The following VPS54 variants were observed in gnomAD, a reference collection of about 807,000 sequenced individuals.
VPS54 encodes VPS54 subunit of GARP complex.
Under a neutral mutation model 121.5 loss-of-function variants are expected in VPS54, and 45 were observed. That is an observed-to-expected ratio of 0.37 (90% CI 0.29 to 0.47). VPS54 has a LOEUF of 0.47. VPS54 is among the 20% of genes least tolerant of loss of function. The pLI, the probability that VPS54 is intolerant of heterozygous loss-of-function variation, is 0.99. For synonymous variants in VPS54, 371 were observed against 385.8 expected, an observed-to-expected ratio of 0.96 and a Z score of 0.45; for missense variants, 1,090 against 1,131.4, an observed-to-expected ratio of 0.96 and a Z score of 0.52.
At position 63,915,494 on chromosome 2, in the gene VPS54, T is replaced by C. The variant is rs1331581971; in HGVS notation, c.2229-1207A>G. Reference sequence around the variant, plus strand: ...CCTAAATGAGCATGAGTCCATTGCTTATCTTTTGTAATTGTCTCTCAGAAG... The same window carrying C: ...CCTAAATGAGCATGAGTCCATTGCTCATCTTTTGTAATTGTCTCTCAGAAG... On this transcript the variant is annotated intron_variant, in intron 16 of 22. Transcript: ENST00000272322. Among the ~76,000 whole-genome samples, 2 of 152,210 alleles carry C rather than the reference T, an allele frequency of 1.3e-5. 1 individual carries two copies. Among genetic ancestry groups the C allele is most frequent in the Admixed American group, 1.3e-4 (2 of 15,282 alleles).
intron 1 of VPS54, among the ~76,000 whole-genome samples, chr2:64,010,168 T>C (rs1175503037): frequency 6.6e-6 from 1 of 152,148 alleles, no homozygotes; most frequent in Non-Finnish European, 1.5e-5. Context: ...TAAATGAACT[T>C]TTTTAAAAAA....
chr2:63,933,995 G>C lies in VPS54; in HGVS notation c.1417C>G (p.His473Asp). The change falls in exon 12 of 23, where the codon CAC becomes GAC. Residue 473 changes from histidine to aspartate, a missense_variant. His to Asp is a moderately conservative substitution (Grantham distance 81). Coordinates refer to ENST00000272322, the MANE Select transcript of VPS54 (RefSeq NM_016516.3). ...TCAAGAACTGAGAGAACAACACTGT[G>C]AATGATATTTAATGTTGCCTACAAG... ...QRVKATLNII[H>D]SVVLSVLDKN... 5 of 1,612,372 alleles carry C rather than the reference G, an allele frequency of 3.1e-6. No individual in the cohort carries two copies. Among genetic ancestry groups the C allele is most frequent in the Non-Finnish European group, 4.2e-6 (5 of 1,179,134 alleles).
intron 1 of VPS54, among the ~76,000 whole-genome samples, chr2:64,000,651 G>T (rs1220387959): frequency 6.6e-6 from 1 of 152,238 alleles, no homozygotes; most frequent in East Asian, 1.9e-4. Context: ...TACCACCTTG[G>T]TAGTCTTGAA....
intron 20 of VPS54, among the ~76,000 whole-genome samples, chr2:63,908,292 T>G (rs1162671259): frequency 6.6e-6 from 1 of 152,072 alleles, no homozygotes; most frequent in African/African-American, 2.4e-5. Context: ...AAAAACATTA[T>G]GTTAAATGAA....
intron 5 of VPS54, among the ~76,000 whole-genome samples, chr2:63,968,133 A>G (rs1012571591): frequency 2.0e-5 from 3 of 152,168 alleles, no homozygotes; most frequent in Admixed American, 6.5e-5. Flanking sequence ...TTCTTACCCT[A>G]AAGAACAACT....
Position 63,900,706 on chromosome 2 carries a change from G to A in VPS54, c.2626-1125C>T, listed in dbSNP as rs62136390. 8.0e-3 allele frequency among the ~76,000 whole-genome samples: 1,217 copies of A among 152,118 alleles called. 10 individuals carry two copies. Among genetic ancestry groups the A allele is most frequent in the South Asian group, 0.028 (136 of 4,818 alleles). On this transcript the variant is annotated intron_variant, in intron 20 of 22. Transcript: ENST00000272322. ...CAGTCTTCAAAGGGAAAATAAACAGGTGAAAATATTCCAGGTAGAGGACAG... is the reference window on the plus strand; with the variant it reads ...CAGTCTTCAAAGGGAAAATAAACAGATGAAAATATTCCAGGTAGAGGACAG...
chr2:64,012,824 T>C (rs1678492006), intron 1 of VPS54, among the ~76,000 whole-genome samples: 1 of 152,166 alleles, frequency 6.6e-6, no homozygotes. Context: ...TCTACTTCCT[T>C]AGCTGTCTTC....
intron 1 of VPS54, among the ~76,000 whole-genome samples, chr2:63,998,528 G>A (rs115761980): frequency 0.025 from 3,841 of 151,942 alleles, 78 homozygotes; most frequent in African/African-American, 0.048. Context: ...CTGGTGTTAT[G>A]ACTTAATGTC....
chr2:63,986,642 C>A (rs1013539260), intron 1 of VPS54, among the ~76,000 whole-genome samples: 2 of 152,130 alleles, frequency 1.3e-5, no homozygotes, highest in Non-Finnish European at 2.9e-5. Flanking sequence ...CATACAGCTC[C>A]GTTTTCAGTT....
chr2:64,004,031 C>T (rs1209923129), intron 1 of VPS54, among the ~76,000 whole-genome samples: 1 of 152,150 alleles, frequency 6.6e-6, no homozygotes, highest in African/African-American at 2.4e-5. Flanking sequence ...TGCTCAAAGA[C>T]CAGCAGGACC....
In VPS54 at chr2:63,965,935, T is replaced by C; in HGVS notation, c.524A>G (p.Asp175Gly). ...TAAAACTGAATTAAAAGTTAAGGAA[T>C]CATCCAAGGCAAAATCTGGTTTCAT... ...IFMKPDFALD[D>G]SLTFNSVLPW... The change falls in exon 6 of 23, where the codon GAT becomes GGT. Residue 175 changes from aspartate (D) to glycine (G), a missense_variant. Asp to Gly is a moderately conservative substitution (Grantham distance 94). Transcript: ENST00000272322. The C allele has an allele frequency of 6.2e-7, 1 of 1,610,666 alleles. No homozygotes were observed. The highest frequency in any genetic ancestry group is 8.5e-7 in the Non-Finnish European group (1 of 1,179,174).
At chr2:64,001,519 T>G (rs1177291063) in intron 1 of VPS54, among the ~76,000 whole-genome samples, 1 of 152,150 alleles carries the variant, frequency 6.6e-6, no homozygotes, top group Admixed American at 6.5e-5. Flanking sequence ...CCAAGGCCCA[T>G]GGCGTACTAC....
At chr2:63,911,135 A>G (rs1206804054) in intron 20 of VPS54, among the ~76,000 whole-genome samples, 1 of 152,204 alleles carries the variant, frequency 6.6e-6, no homozygotes, top group East Asian at 1.9e-4. Context: ...ACAATATGTT[A>G]CCGACTTTTG....
chr2:63,942,446 A>G lies in VPS54; in HGVS notation c.1398+19T>C. The stretch of plus-strand genomic sequence containing the variant: ...CTTAATTTTAGGGATATTCTAGACA[A>G]ACTAATTTATAAGCTTACCTTCACT... On this transcript the variant is annotated intron_variant, in intron 11 of 22. Transcript: ENST00000272322. 7 of 1,533,652 alleles carry G rather than the reference A, an allele frequency of 4.6e-6. No homozygotes were observed. Among genetic ancestry groups the G allele is most frequent in the Non-Finnish European group, 6.2e-6 (7 of 1,136,876 alleles).
chr2:63,923,561 T>C (rs1673749153), intron 12 of VPS54, among the ~76,000 whole-genome samples: 1 of 152,154 alleles, frequency 6.6e-6, no homozygotes, highest in South Asian at 2.1e-4. Flanking sequence ...ATGTGATATA[T>C]ACATATACAT....
At chr2:63,986,019 T>C (rs545341022) in intron 1 of VPS54, among the ~76,000 whole-genome samples, 2 of 152,372 alleles carry the variant, frequency 1.3e-5, no homozygotes, top group African/African-American at 4.8e-5. Flanking sequence ...ACATTTAAGA[T>C]TGACCATGTT....
chr2:63,933,989 C>T lies in VPS54; in HGVS notation c.1423G>A (p.Val475Ile), dbSNP rs1405696247. ...VKATLNIIHS[V>I]VLSVLDKNQR... ...TTTTTGTCAAGAACTGAGAGAACAA[C>T]ACTGTGAATGATATTTAATGTTGCC... Residue 475 changes from valine (V) to isoleucine (I), a missense_variant, in exon 12 of 23, where the codon GTT becomes ATT. Around this residue, in one of 2 missense-constraint regions of VPS54, gnomAD observed 801 missense variants for 757.0 expected, o/e 1.06. Coordinates refer to ENST00000272322, the MANE Select transcript of VPS54 (RefSeq NM_016516.3). The T allele has an allele frequency of 6.2e-7, 1 of 1,612,876 alleles. No individual in the cohort carries two copies. The highest frequency in any genetic ancestry group is 8.5e-7 in the Non-Finnish European group (1 of 1,179,456).
At chr2:63,969,685 C>T (rs1002538019) in intron 4 of VPS54, among the ~76,000 whole-genome samples, 5 of 152,040 alleles carry the variant, frequency 3.3e-5, no homozygotes, top group African/African-American at 1.2e-4. Context: ...AGGTTCATCC[C>T]AAAACTATCT....
At chr2:63,950,565 G>A (rs182607935) in intron 7 of VPS54, among the ~76,000 whole-genome samples, 1 of 152,086 alleles carries the variant, frequency 6.6e-6, no homozygotes, top group Non-Finnish European at 1.5e-5. Context: ...CCAGAAAAAG[G>A]GTTCTCATCC....
Sources: gnomAD v4.1 joint callset for allele counts (sites outside exome capture counted in the v4.1 genomes callset) on GRCh38, gnomAD v4.1.1 for gene constraint, gnomAD v4.1.1 regional missense constraint, MANE v1.5 for transcripts, NCBI Gene and HGNC (gene_info 2026-07-23, HGNC 2026-07-21) for gene names.